The following MAP4K3 variants were observed in gnomAD, a reference collection of about 807,000 sequenced individuals.
MAP4K3 encodes the protein mitogen-activated protein kinase kinase kinase kinase 3, also known as MAPK/ERK kinase kinase kinase 3.
Under a neutral mutation model 143.5 loss-of-function variants are expected in MAP4K3, and 94 were observed. The ratio of observed to expected loss-of-function variants is 0.65; its 90% CI spans 0.55 to 0.78. MAP4K3 has a LOEUF of 0.78. Among genes scored for constraint, MAP4K3 ranks in the 30% least tolerant of loss-of-function variants. MAP4K3 has a pLI of 0.00. For missense variants in MAP4K3, 1,077 were observed against 1,068.1 expected, an observed-to-expected ratio of 1.01 and a Z score of -0.12; for synonymous variants, 416 against 347.2, an observed-to-expected ratio of 1.20 and a Z score of -2.20.
chr2:39,298,982 A>AAC (rs373128455), intron 16 of MAP4K3, among the ~76,000 whole-genome samples: 46 of 150,892 alleles, frequency 3.0e-4, no homozygotes, highest in East Asian at 7.8e-4. Flanking sequence ...AAAAAAAAAA[A>AAC]GGAATTTTAA....
Position 39,250,283 on chromosome 2 carries a change from G to T in MAP4K3, c.*335C>A. 1 of 203,454 alleles carries T rather than the reference G, an allele frequency of 4.9e-6. No homozygotes were observed. Among genetic ancestry groups the T allele is most frequent in the Non-Finnish European group, 9.9e-6 (1 of 100,520 alleles). 12.6% of individuals were successfully genotyped at this position (203,454 alleles called of 1,614,324 possible). ...TGCATTTTCATCAACATTTACATCT[G>T]TACAGATAAGACACTTACTTGTACA... is the stretch of plus-strand genomic sequence containing the variant. On this transcript the variant is annotated 3_prime_UTR_variant, in exon 34 of 34. Transcript: ENST00000263881.
At chr2:39,262,319 C>CT (rs1471878370) in intron 28 of MAP4K3, among the ~76,000 whole-genome samples, 1 of 152,192 alleles carries the variant, frequency 6.6e-6, no homozygotes, top group Non-Finnish European at 1.5e-5. Context: ...TTCCCTGTGG[C>CT]TGCTAAAGTG....
chr2:39,296,031 C>T lies in MAP4K3; in HGVS notation c.1179-2763G>A, dbSNP rs953186251. On this transcript the variant is annotated intron_variant, in intron 16 of 33. Transcript: ENST00000263881. ...GAGCCATCACACCCAGCCAGCATTC[C>T]ACTTTTTTAAAAAGAATCTTTCTGG... 2.0e-5 allele frequency among the ~76,000 whole-genome samples: 3 copies of T among 152,200 alleles called. No homozygotes were observed. The East Asian group carries it at 5.8e-4, about 29-fold the overall frequency.
intron 1 of MAP4K3, among the ~76,000 whole-genome samples, chr2:39,429,755 T>A (rs966773070): frequency 6.6e-6 from 1 of 152,158 alleles, no homozygotes; most frequent in African/African-American, 2.4e-5. Context: ...CTAGAATAGA[T>A]AAAACCATTT....
At chr2:39,366,335 CA>C (rs1452780211) in intron 2 of MAP4K3, among the ~76,000 whole-genome samples, 1 of 152,046 alleles carries the variant, frequency 6.6e-6, no homozygotes, top group Non-Finnish European at 1.5e-5. Context: ...TTCTGATTGG[CA>C]ATTGGTTTAG....
At chr2:39,345,295 G>C (rs1371171868) in intron 3 of MAP4K3, among the ~76,000 whole-genome samples, 1 of 151,758 alleles carries the variant, frequency 6.6e-6, no homozygotes, top group Non-Finnish European at 1.5e-5. Flanking sequence ...GGGTGCAGGG[G>C]GTCGGGGGGA....
intron 1 of MAP4K3, among the ~76,000 whole-genome samples, chr2:39,430,851 C>CT (rs1331407956): frequency 6.6e-6 from 1 of 152,194 alleles, no homozygotes; most frequent in African/African-American, 2.4e-5. Context: ...TGCCAGAACT[C>CT]TAAGTCAAGC....
intron 1 of MAP4K3, among the ~76,000 whole-genome samples, chr2:39,395,926 A>G (rs533644991): frequency 3.3e-5 from 5 of 151,130 alleles, no homozygotes; most frequent in African/African-American, 1.2e-4. Flanking sequence ...GAGCTGTTAA[A>G]AAGTTCAGGA....
At chr2:39,317,737 T>C (rs114394899) in intron 12 of MAP4K3, among the ~76,000 whole-genome samples, 2,738 of 152,178 alleles carry the variant, frequency 0.018, 85 homozygotes, top group African/African-American at 0.061. Context: ...ATGGTTATTA[T>C]TGAAAAGTCA....
chr2:39,387,281 C>T (rs960751147), intron 1 of MAP4K3, among the ~76,000 whole-genome samples: 6 of 151,812 alleles, frequency 4.0e-5, no homozygotes, highest in East Asian at 1.9e-4. Flanking sequence ...GCTGTTGGGA[C>T]TTTTATTTGG....
chr2:39,344,996 T>A (rs1359732341), intron 3 of MAP4K3, among the ~76,000 whole-genome samples: 1 of 152,288 alleles, frequency 6.6e-6, no homozygotes, highest in East Asian at 1.9e-4. Flanking sequence ...TAATCTCTAG[T>A]CAGTCCTTGT....
rs1680098917 is a variant in MAP4K3 at position 39,250,287 on chromosome 2, A to ACTTACTT, written c.*330_*331insAAGTAAG. ...TTTTCATCAACATTTACATCTGTAC[A>ACTTACTT]GATAAGACACTTACTTGTACATCTC... On this transcript the variant is annotated 3_prime_UTR_variant, in exon 34 of 34. Coordinates refer to ENST00000263881, the MANE Select transcript of MAP4K3 (RefSeq NM_003618.4). The ACTTACTT allele has an allele frequency of 4.8e-6, 1 of 209,530 alleles. No individual in the cohort carries two copies. Among genetic ancestry groups the ACTTACTT allele is most frequent in the Non-Finnish European group, 9.6e-6 (1 of 104,428 alleles). The allele number at this position is 209,530 out of a possible 1,614,324, so 13.0% of individuals were successfully genotyped here.
chr2:39,312,645 A>G (rs1682980475), intron 13 of MAP4K3, among the ~76,000 whole-genome samples: 1 of 152,218 alleles, frequency 6.6e-6, no homozygotes, highest in African/African-American at 2.4e-5. Context: ...TAAGCTGTTA[A>G]TGGCTCAGAT....
In MAP4K3 at chr2:39,343,430, T is replaced by C; in HGVS notation, c.268A>G (p.Met90Val). Reference sequence around the variant, plus strand: ...AAAGAACCACCTCCACAAAACTCCATGCAAATCCAAAGCTTATCTCGCCTA... The same window carrying C: ...AAAGAACCACCTCCACAAAACTCCACGCAAATCCAAAGCTTATCTCGCCTA... The part of the protein sequence containing the change: ...YLRRDKLWIC[M>V]EFCGGGSLQD... The change falls in exon 4 of 34, where the codon ATG (methionine) becomes GTG (valine). Residue 90 changes from methionine to valine, a missense_variant. Met to Val is a conservative substitution (Grantham distance 21, BLOSUM62 1). Coordinates refer to ENST00000263881, the MANE Select transcript of MAP4K3 (RefSeq NM_003618.4). 3 of 1,613,182 alleles carry C rather than the reference T, an allele frequency of 1.9e-6. No homozygotes were observed. Among genetic ancestry groups the C allele is most frequent in the Non-Finnish European group, 2.5e-6 (3 of 1,179,504 alleles).
intron 1 of MAP4K3, among the ~76,000 whole-genome samples, chr2:39,384,859 C>A (rs530041574): frequency 9.9e-5 from 15 of 152,244 alleles, no homozygotes; most frequent in African/African-American, 2.2e-4. Context: ...ACCACCACCA[C>A]CATCAGGAAA....
chr2:39,435,151 A>G (rs1297577714), intron 1 of MAP4K3, among the ~76,000 whole-genome samples: 1 of 152,164 alleles, frequency 6.6e-6, no homozygotes, highest in Non-Finnish European at 1.5e-5. Context: ...ATCCACTTCT[A>G]CTTTCACAGT....
At chr2:39,290,102 A>ATATAAGTTGGGCATTAT (rs1681973501) in intron 19 of MAP4K3, among the ~76,000 whole-genome samples, 190 bp downstream of exon 19, 2 of 149,830 alleles carry the variant, frequency 1.3e-5, no homozygotes, top group Non-Finnish European at 3.0e-5. Context: ...AAAAAAAAAA[A>ATATAAGTTGGGCATTAT]AAAAAGAACA....
chr2:39,401,502 G>A (rs1254052242), intron 1 of MAP4K3, among the ~76,000 whole-genome samples: 1 of 152,116 alleles, frequency 6.6e-6, no homozygotes, highest in Non-Finnish European at 1.5e-5. Flanking sequence ...ACTGAGCTTC[G>A]AAATAATACC....
intron 2 of MAP4K3, among the ~76,000 whole-genome samples, chr2:39,375,980 A>G (rs1666206955): frequency 6.6e-6 from 1 of 152,260 alleles, no homozygotes; most frequent in East Asian, 1.9e-4. Flanking sequence ...GTTGATGGGC[A>G]GTTAGACTGT....
Sources: gnomAD v4.1 joint callset for allele counts (sites outside exome capture counted in the v4.1 genomes callset) on GRCh38, gnomAD v4.1.1 for gene constraint, MANE v1.5 for transcripts, NCBI Gene and HGNC (gene_info 2026-07-23, HGNC 2026-07-21) for gene names.